SGMS1: variants seen among roughly 807,000 people sequenced by gnomAD.
SGMS1 encodes the protein sphingomyelin synthase 1.
Under a neutral mutation model 46.2 loss-of-function variants are expected in SGMS1, and 13 were observed. That is an observed-to-expected ratio of 0.28 (90% CI 0.18 to 0.45). The LOEUF is 0.45. SGMS1 is among the 20% of genes least tolerant of loss of function. The probability of loss-of-function intolerance (pLI) is 1.00; values close to 1 mark genes in which losing one functional copy is unlikely to be tolerated. For missense variants in SGMS1, 324 were observed against 519.9 expected (o/e 0.62, Z 3.66); for synonymous variants, 203 against 187.8 (o/e 1.08, Z -0.66).
At position 50,488,488 on chromosome 10, in the gene SGMS1, C is replaced by A. The variant is rs117793474; in HGVS notation, c.-497-21556G>T. On this transcript the variant is annotated intron_variant, in intron 3 of 10. Coordinates refer to ENST00000361781, the MANE Select transcript of SGMS1 (RefSeq NM_147156.4). ...GCATATACCCTAAATCTGTTTTATT[C>A]TTTTGAAGAAATTAATATCGGGCTT... is the stretch of plus-strand genomic sequence containing the variant. 2.6e-5 allele frequency among the ~76,000 whole-genome samples: 4 copies of A among 152,260 alleles called. No homozygotes were observed. The East Asian group carries it at 7.7e-4, about 29-fold the overall frequency.
chr10:50,491,043 TAAAGAAAAAAAAAGCAGC>T (rs1249285579), intron 3 of SGMS1, among the ~76,000 whole-genome samples: 1 of 151,984 alleles, frequency 6.6e-6, no homozygotes, highest in Non-Finnish European at 1.5e-5. Context: ...AACTGCTATT[TAAAGAAAAAAAAAGCAGC>T]AGCAGCCAGG....
chr10:50,602,263 C>T (rs1035807303), intron 1 of SGMS1, among the ~76,000 whole-genome samples: 1 of 152,194 alleles, frequency 6.6e-6, no homozygotes. Flanking sequence ...CATTCCAATG[C>T]CTACTTCCAA....
intron 7 of SGMS1, chr10:50,328,169 A>G: frequency 3.7e-6 from 1 of 272,696 alleles, no homozygotes; most frequent in Non-Finnish European, 7.2e-6. Context: ...GTCTCCTAAT[A>G]TAAAAATTCC....
chr10:50,533,892 C>T (rs1837976749), intron 2 of SGMS1, among the ~76,000 whole-genome samples: 1 of 151,940 alleles, frequency 6.6e-6, no homozygotes, highest in African/African-American at 2.4e-5. Context: ...CCGGTTAAAA[C>T]CAAAAAAGGA....
chr10:50,543,929 T>C (rs943502463), intron 2 of SGMS1, among the ~76,000 whole-genome samples: 5 of 152,166 alleles, frequency 3.3e-5, no homozygotes, highest in African/African-American at 4.8e-5. Flanking sequence ...ACGAAGAACG[T>C]AGTGCTACAG....
chr10:50,577,168 A>G (rs1838392691), intron 2 of SGMS1, among the ~76,000 whole-genome samples: 1 of 152,156 alleles, frequency 6.6e-6, no homozygotes, highest in South Asian at 2.1e-4. Context: ...CTTGGGCTGG[A>G]GCTTTAAAAG....
chr10:50,447,008 T>C (rs1262693799), intron 5 of SGMS1, among the ~76,000 whole-genome samples: 1 of 152,176 alleles, frequency 6.6e-6, no homozygotes, highest in Non-Finnish European at 1.5e-5. Flanking sequence ...TTTTGAAATA[T>C]ATACCCAATC....
intron 1 of SGMS1, chr10:50,623,464 C>T (rs1033423198): frequency 1.7e-6 from 1 of 583,592 alleles, no homozygotes; most frequent in East Asian, 1.4e-4. Context: ...CGCCGGCGGC[C>T]CGCCCCCTCC....
chr10:50,371,202 C>T (rs1848431028), intron 6 of SGMS1, among the ~76,000 whole-genome samples: 1 of 152,208 alleles, frequency 6.6e-6, no homozygotes, highest in Non-Finnish European at 1.5e-5. Flanking sequence ...GTTTTTTCAT[C>T]TGTGTTATAA....
intron 6 of SGMS1, among the ~76,000 whole-genome samples, chr10:50,430,913 A>C (rs745893356): frequency 6.6e-6 from 1 of 152,104 alleles, no homozygotes; most frequent in Non-Finnish European, 1.5e-5. Context: ...ATCAACAAAC[A>C]TGAGTTTGTT....
At chr10:50,463,833 T>C (rs1837297019) in intron 4 of SGMS1, among the ~76,000 whole-genome samples, 1 of 152,202 alleles carries the variant, frequency 6.6e-6, no homozygotes, top group Non-Finnish European at 1.5e-5. Flanking sequence ...TGGAATATTA[T>C]TCAACCTTAA....
intron 7 of SGMS1, among the ~76,000 whole-genome samples, chr10:50,330,798 T>C (rs1488720873): frequency 6.6e-6 from 1 of 152,188 alleles, no homozygotes; most frequent in Admixed American, 6.5e-5. Context: ...GGAGCAGTTA[T>C]GGAAGAGTAA....
chr10:50,350,724 G>A (rs907973731), intron 6 of SGMS1, among the ~76,000 whole-genome samples: 2 of 152,314 alleles, frequency 1.3e-5, no homozygotes, highest in East Asian at 1.9e-4. Context: ...GCCTGCGGGT[G>A]CACAGAAGTC....
chr10:50,452,716 G>A (rs748829561), intron 5 of SGMS1, among the ~76,000 whole-genome samples: 8 of 152,144 alleles, frequency 5.3e-5, no homozygotes, highest in Non-Finnish European at 1.0e-4. Context: ...AAGCTGGTGA[G>A]TTTAACAGAC....
chr10:50,615,180 C>T (rs1207691523), intron 1 of SGMS1, among the ~76,000 whole-genome samples: 2 of 152,170 alleles, frequency 1.3e-5, no homozygotes, highest in South Asian at 4.1e-4. Flanking sequence ...GCAACCTGAG[C>T]GCCCACTGAA....
chr10:50,370,495 C>T (rs1278194261), intron 6 of SGMS1, among the ~76,000 whole-genome samples: 5 of 150,830 alleles, frequency 3.3e-5, no homozygotes, highest in Admixed American at 3.3e-4. Flanking sequence ...GTAATCTCAG[C>T]ACTTTGGGAG....
chr10:50,400,895 AG>A (rs1848929670), intron 6 of SGMS1, among the ~76,000 whole-genome samples: 1 of 152,180 alleles, frequency 6.6e-6, no homozygotes, highest in Non-Finnish European at 1.5e-5. Context: ...TCAAGGCCGG[AG>A]GGTTCCTGGG....
At chr10:50,400,434 T>TGCCTGGC (rs2133537014) in intron 6 of SGMS1, among the ~76,000 whole-genome samples, 1 of 38,836 alleles carries the variant, frequency 2.6e-5, no homozygotes, top group African/African-American at 9.2e-5. Flanking sequence ...TATATATATA[T>TGCCTGGC]ATATATATAT....
At chr10:50,340,890 A>G (rs1018926023) in intron 7 of SGMS1, among the ~76,000 whole-genome samples, 1 of 152,192 alleles carries the variant, frequency 6.6e-6, no homozygotes, top group African/African-American at 2.4e-5. Context: ...CTGAAATAAG[A>G]AGGATAGACT....
Sources: allele counts gnomAD v4.1 joint callset (sites outside exome capture counted in the v4.1 genomes callset), GRCh38; gene constraint gnomAD v4.1.1; transcripts MANE v1.5; gene names NCBI Gene and HGNC (gene_info 2026-07-23, HGNC 2026-07-21).